SPATA16: variants seen among roughly 807,000 people sequenced by gnomAD.
The protein encoded by SPATA16 is spermatogenesis-associated protein 16.
In SPATA16, 36 loss-of-function variants were observed where a neutral mutation model predicts 63.3. The ratio of observed to expected loss-of-function variants is 0.57; its 90% confidence interval spans 0.44 to 0.75. SPATA16 has a LOEUF of 0.75. Ranked by LOEUF, SPATA16 falls within the 30% of genes least tolerant of loss-of-function variation. The pLI is 0.00. For synonymous variants in SPATA16, 203 were observed against 216.7 expected, an observed-to-expected ratio of 0.94 and a Z score of 0.56; for missense variants, 646 against 679.3, an observed-to-expected ratio of 0.95 and a Z score of 0.54.
intron 4 of SPATA16, among the ~76,000 whole-genome samples, chr3:173,009,627 A>G (rs981184112): frequency 1.3e-5 from 2 of 152,202 alleles, no homozygotes; most frequent in African/African-American, 4.8e-5. Context: ...CAGCAGCCGC[A>G]GTGCTCAGGA....
chr3:172,897,105 A>T (rs1732025082), intron 10 of SPATA16, among the ~76,000 whole-genome samples: 2 of 152,114 alleles, frequency 1.3e-5, no homozygotes, highest in South Asian at 4.1e-4. Flanking sequence ...AATTTGAGTT[A>T]ATTTTTGTAT....
chr3:172,925,256 A>T, intron 7 of SPATA16, 90 bp downstream of exon 7: 1 of 1,387,388 alleles, frequency 7.2e-7, no homozygotes, highest in Non-Finnish European at 1.0e-6. Context: ...AGAAGATTAG[A>T]AGGAGTTAAT....
rs991556872 is a variant in SPATA16, at chr3:173,043,815, G to A, written c.758+5134C>T. Among the ~76,000 whole-genome samples, 5 of 151,958 alleles carry A rather than the reference G, an allele frequency of 3.3e-5. No individual in the cohort carries two copies. In the South Asian group the frequency reaches 6.2e-4, roughly 19 times the overall value. ...TTATTATTCTCAAAGTGCAGATCTG[G>A]TAAAGATTAATTTTTTAACTTTTAT... On this transcript the variant is annotated intron_variant, in intron 3 of 10. Coordinates refer to ENST00000351008, the MANE Select transcript of SPATA16 (RefSeq NM_031955.6).
At chr3:172,916,590 C>T (rs923579647) in intron 8 of SPATA16, 109 bp from the exon 9 acceptor site, 8 of 1,183,892 alleles carry the variant, frequency 6.8e-6, no homozygotes, top group South Asian at 2.5e-5. Context: ...TTTGAAATAA[C>T]GGAATCTAGT....
intron 4 of SPATA16, among the ~76,000 whole-genome samples, chr3:172,982,376 A>G (rs1342099054): frequency 6.6e-6 from 1 of 152,196 alleles, no homozygotes; most frequent in Non-Finnish European, 1.5e-5. Context: ...ATGCTGATGT[A>G]TTTATGGCAT....
intron 2 of SPATA16, among the ~76,000 whole-genome samples, chr3:173,076,436 C>T (rs7650992): frequency 0.048 from 7,331 of 151,702 alleles, 617 homozygotes; most frequent in African/African-American, 0.17. Context: ...TATATTTTTC[C>T]TCTAAGAATG....
intron 1 of SPATA16, among the ~76,000 whole-genome samples, chr3:173,123,619 T>G (rs1222028893): frequency 6.6e-6 from 1 of 151,700 alleles, no homozygotes; most frequent in Non-Finnish European, 1.5e-5. Context: ...TTTTTTTTTT[T>G]TGAGACAGAG....
chr3:173,033,693 GT>G (rs1285119534), intron 3 of SPATA16, among the ~76,000 whole-genome samples: 5 of 152,034 alleles, frequency 3.3e-5, no homozygotes, highest in East Asian at 3.9e-4. Context: ...CTTGGGTGAG[GT>G]TTATTTTATT....
intron 3 of SPATA16, among the ~76,000 whole-genome samples, chr3:173,033,176 A>AT (rs1354488829): frequency 6.6e-6 from 1 of 152,086 alleles, no homozygotes; most frequent in Admixed American, 6.6e-5. Context: ...AAAAATATAT[A>AT]TTTTTTTATA....
In SPATA16 at chr3:173,117,500, C is replaced by G. The variant is rs1515441; in HGVS notation, c.232G>C (p.Glu78Gln). ...GCCTTCCGTTTAAAGGCTGCTTTCT[C>G]TAAATCATTGCTTTGTTTTTCTTTG... ...GIKEKQSNDL[E>Q]KAAFKRKAEG... The change falls in exon 2 of 11, where the codon GAG (glutamate) becomes CAG (glutamine). Residue 78 changes from glutamate to glutamine, a missense_variant. Transcript: ENST00000351008. The G allele has an allele frequency of 1.9e-6, 3 of 1,614,094 alleles. No homozygotes were observed. Among genetic ancestry groups the G allele is most frequent in the Non-Finnish European group, 8.5e-7 (1 of 1,180,010 alleles).
intron 10 of SPATA16, among the ~76,000 whole-genome samples, chr3:172,896,762 A>G (rs575894011): frequency 1.3e-5 from 2 of 151,582 alleles, no homozygotes; most frequent in East Asian, 3.9e-4. Flanking sequence ...TGTCTGTTCA[A>G]ATCTTTGTCA....
intron 2 of SPATA16, among the ~76,000 whole-genome samples, chr3:173,074,992 C>CAAAAAAAAAAAAAAAAAAAGAAAAAAA (rs1736758647): frequency 1.5e-5 from 1 of 66,838 alleles, no homozygotes; most frequent in Non-Finnish European, 3.5e-5. Context: ...GACTCTATCT[C>CAAAAAAAAAAAAAAAAAAAGAAAAAAA]AAAAAAAAAA....
intron 2 of SPATA16, among the ~76,000 whole-genome samples, chr3:173,097,144 A>G (rs1341664887): frequency 6.6e-6 from 1 of 152,142 alleles, no homozygotes. Context: ...TGGGATGTGA[A>G]TCATCCTTTT....
At chr3:172,986,374 C>A (rs2108257892) in intron 4 of SPATA16, among the ~76,000 whole-genome samples, 1 of 152,152 alleles carries the variant, frequency 6.6e-6, no homozygotes, top group East Asian at 1.9e-4. Flanking sequence ...GATGAGGATA[C>A]TAAGACGAGT....
At chr3:172,930,845 T>A (rs1240611971) in intron 6 of SPATA16, among the ~76,000 whole-genome samples, 17 of 147,700 alleles carry the variant, frequency 1.2e-4, no homozygotes, top group African/African-American at 3.3e-4. Context: ...AGCCACCTTT[T>A]TGAGAGGGAG....
chr3:173,026,939 A>G (rs1229901264), intron 3 of SPATA16, among the ~76,000 whole-genome samples: 1 of 151,822 alleles, frequency 6.6e-6, no homozygotes, highest in Non-Finnish European at 1.5e-5. Flanking sequence ...TACATTTTAG[A>G]AAGTAGCCTG....
chr3:173,124,736 T>C (rs1738181720), intron 1 of SPATA16, among the ~76,000 whole-genome samples: 1 of 152,196 alleles, frequency 6.6e-6, no homozygotes, highest in Admixed American at 6.5e-5. Context: ...TGGAACACTT[T>C]CTTCTCACTT....
chr3:173,048,360 A>G (rs892761812), intron 3 of SPATA16, among the ~76,000 whole-genome samples: 24 of 152,244 alleles, frequency 1.6e-4, no homozygotes, highest in African/African-American at 5.5e-4. Context: ...ATACACTTTT[A>G]TAGAAGAAAA....
chr3:172,942,190 G>A (rs1277815485), intron 6 of SPATA16, among the ~76,000 whole-genome samples: 2 of 151,954 alleles, frequency 1.3e-5, no homozygotes, highest in Non-Finnish European at 2.9e-5. Context: ...ATGTCTCAGG[G>A]ACTTATACTC....
Sources: gnomAD v4.1 joint callset for allele counts (sites outside exome capture counted in the v4.1 genomes callset) on GRCh38, gnomAD v4.1.1 for gene constraint, MANE v1.5 for transcripts, NCBI Gene and HGNC (gene_info 2026-07-23, HGNC 2026-07-21) for gene names.